Variants in CADM2 observed in about 807,000 individuals in gnomAD.
CADM2 encodes immunoglobulin superfamily member 4D.
In CADM2, 12 loss-of-function variants were observed where a neutral mutation model predicts 49.8. The observed-to-expected ratio is 0.24, with a 90% CI of 0.15 to 0.39. The LOEUF is 0.39. Ranked by LOEUF, CADM2 falls within the 10% of genes least tolerant of loss-of-function variation. CADM2 has a pLI of 1.00. For synonymous variants in CADM2, 214 were observed against 175.4 expected, an observed-to-expected ratio of 1.22 and a Z score of -1.74; for missense variants, 378 against 492.3, an observed-to-expected ratio of 0.77 and a Z score of 2.20.
chr3:85,115,966 C>A (rs561193529), intron 1 of CADM2, among the ~76,000 whole-genome samples: 1 of 152,320 alleles, frequency 6.6e-6, no homozygotes, highest in South Asian at 2.1e-4. Flanking sequence ...ATCAGTAACA[C>A]ATTCATGATT....
Position 85,138,578 on chromosome 3 carries a change from T to C in CADM2, c.61+178910T>C, listed in dbSNP as rs1211606330. On this transcript the variant is annotated intron_variant, in intron 1 of 9. Coordinates refer to ENST00000383699, the MANE Select transcript of CADM2 (RefSeq NM_001167675.2). ...TATGATGTAGGATGCAATTTATATT[T>C]GTAGTTATTGCCATATTATACTATA... 2.0e-5 allele frequency among the ~76,000 whole-genome samples: 3 copies of C among 152,308 alleles called. No individual in the cohort carries two copies. In the East Asian group the frequency reaches 5.8e-4, roughly 29 times the overall value.
chr3:85,034,231 T>A (rs2035109263), intron 1 of CADM2, among the ~76,000 whole-genome samples: 1 of 152,168 alleles, frequency 6.6e-6, no homozygotes, highest in Non-Finnish European at 1.5e-5. Context: ...TCATTCTATC[T>A]AACTATATTT....
intron 1 of CADM2, among the ~76,000 whole-genome samples, chr3:85,322,440 C>T (rs2044639485): frequency 6.6e-6 from 1 of 151,106 alleles, no homozygotes; most frequent in South Asian, 2.1e-4. Flanking sequence ...TGTAATGCTC[C>T]TCACAAGAAA....
intron 7 of CADM2, among the ~76,000 whole-genome samples, chr3:85,940,576 A>C (rs74399263): frequency 0.033 from 5,084 of 152,200 alleles, 286 homozygotes; most frequent in African/African-American, 0.12. Context: ...AGCAATGTTA[A>C]ATTATTTGGC....
chr3:85,528,814 C>A (rs568433758), intron 1 of CADM2, among the ~76,000 whole-genome samples: 29 of 152,254 alleles, frequency 1.9e-4, no homozygotes, highest in African/African-American at 6.5e-4. Flanking sequence ...TTGTTTATTT[C>A]TTTCTTATCC....
chr3:85,050,700 A>G (rs1046064440), intron 1 of CADM2, among the ~76,000 whole-genome samples: 1 of 152,168 alleles, frequency 6.6e-6, no homozygotes, highest in Non-Finnish European at 1.5e-5. Context: ...ATAACTATAG[A>G]AAAATTTGCC....
At chr3:85,699,928 A>C (rs149178573) in intron 1 of CADM2, among the ~76,000 whole-genome samples, 327 of 152,296 alleles carry the variant, frequency 2.1e-3, no homozygotes, top group African/African-American at 6.9e-3. Context: ...CTTATCCTTT[A>C]AATATTAGTT....
chr3:85,737,562 C>CTTT (rs3044022), intron 2 of CADM2, among the ~76,000 whole-genome samples: 28,167 of 141,614 alleles, frequency 0.2, 3,170 homozygotes, highest in African/African-American at 0.27. Flanking sequence ...TCTTTTCTTT[C>CTTT]TTTTTTTTTT....
intron 1 of CADM2, among the ~76,000 whole-genome samples, chr3:85,689,093 A>G (rs1281721660): frequency 2.6e-5 from 4 of 152,262 alleles, no homozygotes; most frequent in Non-Finnish European, 5.9e-5. Context: ...AATACATAGA[A>G]GAAAACTATC....
intron 1 of CADM2, among the ~76,000 whole-genome samples, chr3:85,716,076 G>A (rs1268414223): frequency 6.6e-6 from 1 of 152,136 alleles, no homozygotes; most frequent in Non-Finnish European, 1.5e-5. Flanking sequence ...TTGAGGAATT[G>A]CCACACTGTC....
chr3:85,291,412 C>G (rs981322732), intron 1 of CADM2, among the ~76,000 whole-genome samples: 1 of 150,234 alleles, frequency 6.7e-6, no homozygotes, highest in Non-Finnish European at 1.5e-5. Context: ...GGCAGGCCAA[C>G]GTTCAGATTC....
At chr3:85,247,731 T>A (rs1167147226) in intron 1 of CADM2, among the ~76,000 whole-genome samples, 1 of 152,178 alleles carries the variant, frequency 6.6e-6, no homozygotes, top group African/African-American at 2.4e-5. Flanking sequence ...GAATGTTTGC[T>A]GATGCTGATT....
chr3:85,456,621 A>C (rs1559849451), intron 1 of CADM2, among the ~76,000 whole-genome samples: 1 of 152,128 alleles, frequency 6.6e-6, no homozygotes, highest in South Asian at 2.1e-4. Context: ...TTTTCTGATA[A>C]GATTTTATTT....
chr3:85,027,109 C>CTTTTCTTTTTTTTTTTT (rs1317386284), intron 1 of CADM2, among the ~76,000 whole-genome samples: 1 of 55,690 alleles, frequency 1.8e-5, no homozygotes, highest in African/African-American at 9.7e-5. Flanking sequence ...TTTCTTTTTC[C>CTTTTCTTTTTTTTTTTT]TTTTTTTTTT....
intron 1 of CADM2, among the ~76,000 whole-genome samples, chr3:85,618,044 A>C (rs755847780): frequency 6.6e-6 from 1 of 152,216 alleles, no homozygotes; most frequent in Non-Finnish European, 1.5e-5. Context: ...TATTTTAAAC[A>C]TACAGTCATT....
At chr3:85,323,616 C>T (rs977592841) in intron 1 of CADM2, among the ~76,000 whole-genome samples, 6 of 152,156 alleles carry the variant, frequency 3.9e-5, no homozygotes, top group Non-Finnish European at 5.9e-5. Context: ...TGTCTTCCTC[C>T]AGCACCTCTG....
At chr3:85,208,307 A>G (rs1216948309) in intron 1 of CADM2, among the ~76,000 whole-genome samples, 3 of 152,200 alleles carry the variant, frequency 2.0e-5, no homozygotes, top group African/African-American at 7.2e-5. Flanking sequence ...AAACGTTTTA[A>G]TAAAAGTACA....
intron 1 of CADM2, among the ~76,000 whole-genome samples, chr3:85,427,796 T>G (rs1260001286): frequency 6.6e-6 from 1 of 152,142 alleles, no homozygotes; most frequent in Non-Finnish European, 1.5e-5. Context: ...TAAAACATGT[T>G]TCCTACTAAT....
intron 1 of CADM2, among the ~76,000 whole-genome samples, chr3:85,369,407 C>T (rs948503391): frequency 3.9e-5 from 6 of 152,198 alleles, no homozygotes; most frequent in African/African-American, 4.8e-5. Context: ...CCGAGTTGGG[C>T]GGATCACCTG....
Sources: allele counts gnomAD v4.1 joint callset (sites outside exome capture counted in the v4.1 genomes callset), GRCh38; gene constraint gnomAD v4.1.1; transcripts MANE v1.5; gene names NCBI Gene and HGNC (gene_info 2026-07-23, HGNC 2026-07-21).